The following PRIM2 variants were observed in gnomAD, a reference collection of about 807,000 sequenced individuals.
PRIM2 encodes the protein DNA primase subunit 2.
Under a neutral mutation model 67.3 loss-of-function variants are expected in PRIM2, and 39 were observed. The ratio of observed to expected loss-of-function variants is 0.58; its 90% CI spans 0.45 to 0.76. The LOEUF is 0.76. PRIM2 is among the 30% of genes least tolerant of loss of function. The pLI is 0.00. For missense variants in PRIM2, 398 were observed against 598.7 expected, an observed-to-expected ratio of 0.66 and a Z score of 3.50; for synonymous variants, 143 against 198.7, an observed-to-expected ratio of 0.72 and a Z score of 2.36.
the PRIM2 span, among the ~76,000 whole-genome samples, chr6:57,290,361 C>T: frequency 6.6e-6 from 1 of 152,110 alleles, no homozygotes. Flanking sequence ...CAAGCAAGTC[C>T]TTAGAGACCT....
intron 7 of PRIM2, among the ~76,000 whole-genome samples, chr6:57,444,177 A>G (rs1772290680): frequency 6.6e-6 from 1 of 152,074 alleles, no homozygotes. Context: ...CTCTCAAAGT[A>G]TATATGTTGG....
intron 10 of PRIM2, among the ~76,000 whole-genome samples, chr6:57,566,647 G>A (rs1775749090): frequency 6.6e-6 from 1 of 152,198 alleles, no homozygotes; most frequent in Non-Finnish European, 1.5e-5. Context: ...ACTGCCAATG[G>A]GAGTCAGTCA....
chr6:57,424,437 A>C (rs1364758243), intron 7 of PRIM2, among the ~76,000 whole-genome samples: 1 of 152,248 alleles, frequency 6.6e-6, no homozygotes. Flanking sequence ...ATATAAGAAC[A>C]GATGGAAAAG....
At chr6:57,238,903 C>T in the PRIM2 span, among the ~76,000 whole-genome samples, 1 of 152,120 alleles carries the variant, frequency 6.6e-6, no homozygotes, top group African/African-American at 2.4e-5. Flanking sequence ...TGTCAAGCTC[C>T]TTAGTATGAC....
chr6:57,359,481 G>A (rs138495421), intron 5 of PRIM2, among the ~76,000 whole-genome samples: 193 of 152,360 alleles, frequency 1.3e-3, no homozygotes, highest in African/African-American at 4.5e-3. Flanking sequence ...ACATGGAGTA[G>A]AGACATTGCC....
At chr6:57,460,906 C>T (rs2127396884) in intron 7 of PRIM2, among the ~76,000 whole-genome samples, 1 of 152,310 alleles carries the variant, frequency 6.6e-6, no homozygotes, top group Non-Finnish European at 1.5e-5. Flanking sequence ...TATTGAGTGA[C>T]TCTCTTGTCA....
chr6:57,407,634 C>T (rs564353787), intron 7 of PRIM2, among the ~76,000 whole-genome samples: 4 of 152,234 alleles, frequency 2.6e-5, no homozygotes, highest in South Asian at 2.1e-4. Flanking sequence ...AGGCCTGAGG[C>T]GGTACACAGT....
intron 5 of PRIM2, among the ~76,000 whole-genome samples, chr6:57,352,491 G>C (rs1005335640): frequency 6.6e-6 from 1 of 151,988 alleles, no homozygotes; most frequent in African/African-American, 2.4e-5. Context: ...CATCTGCTTC[G>C]GCCTCCCAAA....
At chr6:57,433,832 G>A (rs1771915201) in intron 7 of PRIM2, among the ~76,000 whole-genome samples, 2 of 151,832 alleles carry the variant, frequency 1.3e-5, no homozygotes, top group Admixed American at 1.3e-4. Flanking sequence ...GCTTGAATGA[G>A]GCCATTATGT....
chr6:57,339,988 A>G (rs2127292835), intron 5 of PRIM2, among the ~76,000 whole-genome samples: 1 of 151,982 alleles, frequency 6.6e-6, no homozygotes, highest in Middle Eastern at 3.4e-3. Context: ...AGAATCTACA[A>G]TGAACTCAAA....
intron 7 of PRIM2, among the ~76,000 whole-genome samples, chr6:57,472,393 C>CAA (rs1281311931): frequency 0.29 from 39,098 of 135,780 alleles, 5,571 homozygotes; most frequent in East Asian, 0.43. Context: ...TTGCGTGTGT[C>CAA]AAAAAAAAAA....
At chr6:57,244,118 G>C in the PRIM2 span, among the ~76,000 whole-genome samples, 1 of 152,100 alleles carries the variant, frequency 6.6e-6, no homozygotes, top group Non-Finnish European at 1.5e-5. Flanking sequence ...CTTGGAAAAC[G>C]ACCAATCAGA....
In PRIM2 at chr6:57,356,238, G is replaced by A. The variant is rs1769027084; in HGVS notation, c.460-23663G>A. Among the ~76,000 whole-genome samples, 4 of 152,094 alleles carry A rather than the reference G, an allele frequency of 2.6e-5. No individual in the cohort carries two copies. The South Asian group carries it at 8.3e-4, about 32-fold the overall frequency. On this transcript the variant is annotated intron_variant, in intron 5 of 13. Coordinates refer to ENST00000615550, the MANE Select transcript of PRIM2 (RefSeq NM_000947.5). ...CTAGTTGTTTTTCTTCTCTGACTTA[G>A]TTTTGTCATCTGTAAAATAGAGTAT...
intron 9 of PRIM2, among the ~76,000 whole-genome samples, chr6:57,534,609 C>T (rs1322157443): frequency 1.3e-5 from 2 of 152,184 alleles, no homozygotes; most frequent in African/African-American, 2.4e-5. Context: ...CCAGAGTTCT[C>T]TTTGTGTATT....
intron 13 of PRIM2, among the ~76,000 whole-genome samples, chr6:57,642,087 T>G (rs1433013144): frequency 6.6e-6 from 1 of 152,168 alleles, no homozygotes; most frequent in Non-Finnish European, 1.5e-5. Context: ...TGCAGGGACA[T>G]GGATGAAGCT....
chr6:57,545,360 T>C (rs1775268814), intron 10 of PRIM2, among the ~76,000 whole-genome samples: 1 of 152,126 alleles, frequency 6.6e-6, no homozygotes. Flanking sequence ...CATGAACATA[T>C]ACCATTCTGA....
At chr6:57,561,523 C>T (rs1211187863) in intron 10 of PRIM2, among the ~76,000 whole-genome samples, 2 of 152,314 alleles carry the variant, frequency 1.3e-5, no homozygotes, top group African/African-American at 4.8e-5. Context: ...GTGAGCCACT[C>T]TGCCCAGCCA....
At chr6:57,480,980 T>G (rs1264875363) in intron 7 of PRIM2, among the ~76,000 whole-genome samples, 2 of 152,190 alleles carry the variant, frequency 1.3e-5, no homozygotes, top group African/African-American at 4.8e-5. Flanking sequence ...TTATATAACT[T>G]TTAACTTTTT....
At chr6:57,255,514 A>AG in the PRIM2 span, among the ~76,000 whole-genome samples, 2 of 146,560 alleles carry the variant, frequency 1.4e-5, no homozygotes, top group Non-Finnish European at 3.0e-5. Flanking sequence ...AAAAAAAAAA[A>AG]GAATTACTCT....
Sources: allele counts gnomAD v4.1 joint callset (sites outside exome capture counted in the v4.1 genomes callset), GRCh38; gene constraint gnomAD v4.1.1; transcripts MANE v1.5; gene names NCBI Gene and HGNC (gene_info 2026-07-23, HGNC 2026-07-21).